Variants in TFEC observed in about 807,000 individuals in gnomAD.
The protein encoded by TFEC is transcription factor EC.
Under a neutral mutation model 41.6 loss-of-function variants are expected in TFEC, and 31 were observed. That is an observed-to-expected ratio of 0.74 (90% CI 0.56 to 1.01). The LOEUF (loss-of-function observed/expected upper bound fraction) is 1.01, where lower values mean the gene tolerates loss of function less well. TFEC is among the 50% of genes least tolerant of loss of function. The pLI, the probability that TFEC is intolerant of heterozygous loss-of-function variation, is 0.00. For missense variants in TFEC, 402 were observed against 404.1 expected, an observed-to-expected ratio of 0.99 and a Z score of 0.04; for synonymous variants, 143 against 140.6, an observed-to-expected ratio of 1.02 and a Z score of -0.12.
At chr7:115,965,973 C>T (rs1792826655) in intron 3 of TFEC, among the ~76,000 whole-genome samples, 1 of 151,456 alleles carries the variant, frequency 6.6e-6, no homozygotes, top group Non-Finnish European at 1.5e-5. Flanking sequence ...ATCCTCACAG[C>T]CCTAAGCCTA....
chr7:116,063,173 A>T (rs1796609311), intron 3 of TFEC, among the ~76,000 whole-genome samples: 1 of 152,236 alleles, frequency 6.6e-6, no homozygotes, highest in Non-Finnish European at 1.5e-5. Context: ...AAGCCAGACC[A>T]GATAATAATA....
At chr7:115,973,672 G>T (rs1417609147) in intron 3 of TFEC, among the ~76,000 whole-genome samples, 12 of 151,898 alleles carry the variant, frequency 7.9e-5, no homozygotes, top group Admixed American at 7.9e-4. Context: ...GGAGGGTGAG[G>T]CCTGTTCTAT....
intron 3 of TFEC, among the ~76,000 whole-genome samples, chr7:115,960,993 T>C (rs1194171770): frequency 1.3e-5 from 2 of 151,598 alleles, no homozygotes; most frequent in East Asian, 1.9e-4. Context: ...AACCTCCAGA[T>C]ATGTGAAACA....
chr7:115,998,351 T>C (rs1156829925), intron 1 of TFEC, among the ~76,000 whole-genome samples: 1 of 150,248 alleles, frequency 6.7e-6, no homozygotes, highest in African/African-American at 2.4e-5. Context: ...AAGCAAGAAA[T>C]TAAAACATAC....
intron 1 of TFEC, among the ~76,000 whole-genome samples, chr7:116,009,987 A>C (rs1794938523): frequency 1.3e-5 from 2 of 152,202 alleles, no homozygotes; most frequent in African/African-American, 4.8e-5. Flanking sequence ...ATGGGATGAT[A>C]GGGCTCAAAC....
At chr7:116,034,452 C>A (rs570952413), upstream of TFEC, among the ~76,000 whole-genome samples, 100 of 152,034 alleles carry the variant, frequency 6.6e-4, no homozygotes, top group African/African-American at 2.4e-3. Context: ...AGATTAACAC[C>A]ATCTTCATCC....
At chr7:116,110,750 T>C in exon 3 of TFEC, 2 of 1,536,038 alleles carry the variant, frequency 1.3e-6, no homozygotes, top group South Asian at 1.2e-5. Flanking sequence ...TTTGTGGTCT[T>C]GCTGGGACAA....
chr7:115,962,248 T>C lies in TFEC; in HGVS notation c.268-5455A>G, dbSNP rs912716292. ...TGTTCATGGATGAAAAGAAATAATA[T>C]TGTAACATTGCAATACTATCTAAAG... On this transcript the variant is annotated intron_variant, in intron 3 of 7. Transcript: ENST00000265440. Among the ~76,000 whole-genome samples, 5 of 151,762 alleles carry C rather than the reference T, an allele frequency of 3.3e-5. No homozygotes were observed. In the East Asian group the frequency reaches 7.8e-4, roughly 24 times the overall value.
At chr7:116,113,974 A>G (rs1562974266) in intron 1 of TFEC, among the ~76,000 whole-genome samples, 1 of 152,052 alleles carries the variant, frequency 6.6e-6, no homozygotes, top group African/African-American at 2.4e-5. Flanking sequence ...TACAGGACTT[A>G]GAGAAGTACA....
rs527759169 is a variant in TFEC at position 116,041,922 on chromosome 7, T to C, written c.199-57409A>G. ...CCCAAAACAAAGGGCGAGAGATGCA[T>C]CTCTCACACAATATGCAAACCTACA... On this transcript the variant is annotated intron_variant, in intron 3 of 8. Coordinates refer to the TFEC transcript ENST00000484212. Among the ~76,000 whole-genome samples the C allele has an allele frequency of 5.3e-5, 8 of 152,222 alleles. No individual in the cohort carries two copies. The East Asian group carries it at 9.7e-4, about 18-fold the overall frequency.
chr7:115,979,179 G>T (rs762276206), intron 2 of TFEC, among the ~76,000 whole-genome samples: 1 of 152,064 alleles, frequency 6.6e-6, no homozygotes, highest in Non-Finnish European at 1.5e-5. Flanking sequence ...CTGACAAAGT[G>T]ATCTAGAGTC....
At chr7:115,968,270 C>T in intron 3 of TFEC, 1 of 1,527,526 alleles carries the variant, frequency 6.5e-7, no homozygotes. Context: ...CTTAAACTTG[C>T]AAACAATAAC....
At chr7:115,993,448 T>C (rs916920390) in intron 1 of TFEC, among the ~76,000 whole-genome samples, 1 of 152,054 alleles carries the variant, frequency 6.6e-6, no homozygotes, top group Non-Finnish European at 1.5e-5. Context: ...GATTGTATAT[T>C]TAGAAAACCC....
intron 3 of TFEC, among the ~76,000 whole-genome samples, chr7:116,058,859 C>T (rs1796487863): frequency 6.6e-6 from 1 of 151,420 alleles, no homozygotes; most frequent in African/African-American, 2.4e-5. Flanking sequence ...AGGAGTAAAA[C>T]AGACTTAAAT....
At chr7:116,129,514 G>T (rs1055152310) in intron 1 of TFEC, among the ~76,000 whole-genome samples, 2 of 151,172 alleles carry the variant, frequency 1.3e-5, no homozygotes, top group South Asian at 4.2e-4. Context: ...AAATAGTAAA[G>T]GAGCAAAATC....
intron 5 of TFEC, among the ~76,000 whole-genome samples, chr7:115,954,254 A>G (rs1792098148): frequency 1.3e-5 from 2 of 152,088 alleles, no homozygotes; most frequent in South Asian, 4.1e-4. Flanking sequence ...AATGTTGTAC[A>G]TTTTCAAAAG....
At chr7:116,142,809 T>A (rs1346534675) in intron 1 of TFEC, among the ~76,000 whole-genome samples, 1 of 152,206 alleles carries the variant, frequency 6.6e-6, no homozygotes, top group African/African-American at 2.4e-5. Flanking sequence ...TGTATCTTTA[T>A]AATAAATTCC....
At chr7:116,127,528 G>A (rs1240852180) in intron 1 of TFEC, among the ~76,000 whole-genome samples, 1 of 151,976 alleles carries the variant, frequency 6.6e-6, no homozygotes, top group African/African-American at 2.4e-5. Flanking sequence ...TTTAGCAAAT[G>A]TATTTACCTC....
At chr7:116,035,955 A>C (rs1037621925) in intron 3 of TFEC, among the ~76,000 whole-genome samples, 3 of 152,102 alleles carry the variant, frequency 2.0e-5, no homozygotes. Flanking sequence ...TGTAATCCAC[A>C]CAGTGGAGAA....
Sources: allele counts gnomAD v4.1 joint callset (sites outside exome capture counted in the v4.1 genomes callset), GRCh38; gene constraint gnomAD v4.1.1; transcripts MANE v1.5; gene names NCBI Gene and HGNC (gene_info 2026-07-23, HGNC 2026-07-21).